The following STARD8 variants were observed in gnomAD, a reference collection of about 807,000 sequenced individuals.
The protein encoded by STARD8 is StAR related lipid transfer domain containing 8.
In STARD8, 25 loss-of-function variants were observed where a neutral mutation model predicts 69.4. The ratio of observed to expected loss-of-function variants is 0.36; its 90% CI spans 0.26 to 0.50. STARD8 has a LOEUF of 0.50. STARD8 is among the 20% of genes least tolerant of loss of function. The pLI, the probability that STARD8 is intolerant of heterozygous loss-of-function variation, is 0.96. For missense variants in STARD8, 921 were observed against 932.5 expected (o/e 0.99, Z 0.16); for synonymous variants, 389 against 374.6 (o/e 1.04, Z -0.45).
intron 2 of STARD8, among the ~76,000 whole-genome samples, chrX:68,711,382 A>G (rs779371421): frequency 9.0e-6 from 1 of 111,712 alleles, no homozygotes; most frequent in South Asian, 3.7e-4. Flanking sequence ...TGAGTCATGG[A>G]CATGAGCAGA....
intron 2 of STARD8, among the ~76,000 whole-genome samples, chrX:68,668,117 CTT>C (rs1220052987): frequency 2.2e-5 from 2 of 90,465 alleles, no homozygotes; most frequent in Non-Finnish European, 4.4e-5. Context: ...TTCTTTCTGT[CTT>C]TCTTTCTTTC....
intron 2 of STARD8, among the ~76,000 whole-genome samples, chrX:68,709,500 C>G (rs749704245): frequency 3.6e-5 from 4 of 111,917 alleles, no homozygotes; most frequent in Non-Finnish European, 7.5e-5. Context: ...ATTTAATGCT[C>G]TCAGTAGCTA....
At chrX:68,652,424 G>A (rs2079553817) in intron 1 of STARD8, among the ~76,000 whole-genome samples, 1 of 111,371 alleles carries the variant, frequency 9.0e-6, no homozygotes, top group Non-Finnish European at 1.9e-5. Flanking sequence ...AGGGATGGTG[G>A]GAAGGTGGCA....
intron 2 of STARD8, among the ~76,000 whole-genome samples, chrX:68,701,889 T>C (rs1485210803): frequency 8.9e-6 from 1 of 111,862 alleles, no homozygotes; most frequent in Non-Finnish European, 1.9e-5. Flanking sequence ...TTAGCTCTTA[T>C]GATCACTAGC....
intron 2 of STARD8, among the ~76,000 whole-genome samples, chrX:68,698,658 T>C (rs2147911642): frequency 9.0e-6 from 1 of 111,189 alleles, no homozygotes; most frequent in South Asian, 3.9e-4. Flanking sequence ...CCAGACCATA[T>C]GCAGTTTCCT....
rs773480614 is a variant in STARD8 at position 68,721,705 on chromosome X, C to T, written c.2418C>T (p.Ile806=). The part of the protein sequence containing the change: ...GNLAVCLAPS[I]FHLNVSKKDS... ...TGGCAGTGTGCCTGGCGCCCTCCAT[C>T]TTCCACCTCAATGTCTCTAAGAAGG... The change falls in exon 10 of 15, where the codon ATC becomes ATT. Residue 806 remains isoleucine, a synonymous_variant. Transcript: ENST00000374599. 7.4e-6 allele frequency: 9 copies of T among 1,210,908 alleles called. No individual in the cohort carries two copies. The East Asian group carries it at 2.7e-4, about 36-fold the overall frequency.
At chrX:68,707,752 G>C (rs573295085) in intron 2 of STARD8, among the ~76,000 whole-genome samples, 14 of 111,357 alleles carry the variant, frequency 1.3e-4, no homozygotes, top group African/African-American at 4.6e-4. Context: ...CTTCCCGCCT[G>C]GTCCCCATGC....
At chrX:68,708,369 T>C (rs913183712) in intron 2 of STARD8, among the ~76,000 whole-genome samples, 5 of 112,790 alleles carry the variant, frequency 4.4e-5, no homozygotes, top group Non-Finnish European at 9.4e-5. Flanking sequence ...ATAAGCCCTA[T>C]GCTTGAGTGT....
chrX:68,657,824 G>A (rs1462301389), intron 1 of STARD8, among the ~76,000 whole-genome samples: 2 of 110,747 alleles, frequency 1.8e-5, no homozygotes, highest in African/African-American at 3.3e-5. Context: ...ATTTGTTCTC[G>A]GGGGTGGAAG....
In STARD8 at chrX:68,720,353, G is replaced by A. The variant is rs145413127; in HGVS notation, c.1979G>A (p.Arg660His). Residue 660 changes from arginine to histidine, a missense_variant, in exon 8 of 15, where the codon CGC becomes CAC. Transcript: ENST00000374599. ...GTGCCACCCCTCATCCACGTGCAGC[G>A]CACGGGCCAGCCACTGCCACAGAGC... ...FGVPPLIHVQ[R>H]TGQPLPQSIQ... 21 of 1,197,989 alleles carry A rather than the reference G, an allele frequency of 1.8e-5. No homozygotes were observed. The highest frequency in any genetic ancestry group is 1.7e-4 in the African/African-American group (10 of 57,444).
rs1052100303 is a variant in STARD8 at position 68,693,555 on chromosome X, T to A, written c.80-19359T>A. 3 of 657,861 alleles carry A rather than the reference T, an allele frequency of 4.6e-6. No individual in the cohort carries two copies. In the Admixed American group the frequency reaches 2.6e-4, roughly 58 times the overall value. The allele number at this position is 657,861 out of a possible 1,213,427, so 54.2% of individuals were successfully genotyped here. The stretch of plus-strand genomic sequence containing the variant: ...TTGGGTGACTTTCTGGCGAGTCCGG[T>A]GGGCCAGACTGCGCCCCCATTGGCC... On this transcript the variant is annotated intron_variant, in intron 2 of 14. Transcript: ENST00000374599.
intron 1 of STARD8, among the ~76,000 whole-genome samples, chrX:68,648,363 G>A (rs1182657591): frequency 8.9e-6 from 1 of 111,790 alleles, no homozygotes; most frequent in African/African-American, 3.2e-5. Flanking sequence ...GCCTGGTGTG[G>A]AGCATCCACA....
chrX:68,650,480 G>A (rs1367093873), intron 1 of STARD8, among the ~76,000 whole-genome samples: 3 of 86,304 alleles, frequency 3.5e-5, no homozygotes, highest in Non-Finnish European at 6.4e-5. Flanking sequence ...AGGAGGAGGA[G>A]GGGAGGAGGA....
intron 2 of STARD8, among the ~76,000 whole-genome samples, chrX:68,688,265 G>T (rs1469771206): frequency 9.0e-6 from 1 of 111,643 alleles, no homozygotes; most frequent in Non-Finnish European, 1.9e-5. Flanking sequence ...TCATCCTGGG[G>T]CCTCTGAGGG....
intron 1 of STARD8, among the ~76,000 whole-genome samples, chrX:68,658,629 G>A (rs1269285827): frequency 1.8e-5 from 2 of 112,832 alleles, no homozygotes; most frequent in South Asian, 3.6e-4. Context: ...CTTCCCAGCA[G>A]CCTCTAGGGC....
At chrX:68,684,324 G>C (rs2079817764) in intron 2 of STARD8, among the ~76,000 whole-genome samples, 1 of 112,557 alleles carries the variant, frequency 8.9e-6, no homozygotes, top group South Asian at 3.7e-4. Flanking sequence ...AATCTTCGGA[G>C]CTCTTTCATA....
rs183054691 is a variant in STARD8 at position 68,723,194 on chromosome X, C to T, written c.2800-432C>T. On this transcript the variant is annotated intron_variant, in intron 12 of 14. Transcript: ENST00000374599. Reference sequence around the variant, plus strand: ...GAAGTGTCCTGTGTAAAAAAATGGTCATAACAAAACCTTCCATGTAGGATC... The same window carrying T: ...GAAGTGTCCTGTGTAAAAAAATGGTTATAACAAAACCTTCCATGTAGGATC... 4.4e-5 allele frequency among the ~76,000 whole-genome samples: 5 copies of T among 112,583 alleles called. No homozygotes were observed. The Admixed American group carries it at 4.7e-4, about 11-fold the overall frequency.
At chrX:68,656,173 A>G (rs933651497) in intron 1 of STARD8, 1 of 112,409 alleles carries the variant, frequency 8.9e-6, no homozygotes, top group African/African-American at 3.2e-5. Context: ...CTGAGCCACA[A>G]CTTGCTAGCT....
chrX:68,693,801 C>T, intron 2 of STARD8: 2 of 755,142 alleles, frequency 2.6e-6, no homozygotes, highest in Non-Finnish European at 3.1e-6. Context: ...AGCGCCCGAA[C>T]CCAAAGGGGT....
Sources: gnomAD v4.1 joint callset for allele counts (sites outside exome capture counted in the v4.1 genomes callset) on GRCh38, gnomAD v4.1.1 for gene constraint, MANE v1.5 for transcripts, NCBI Gene and HGNC (gene_info 2026-07-23, HGNC 2026-07-21) for gene names.